ALKBH1: variants seen among roughly 807,000 people sequenced by gnomAD.
The protein encoded by ALKBH1 is nucleic acid dioxygenase ALKBH1.
Under a neutral mutation model 36.6 loss-of-function variants are expected in ALKBH1, and 31 were observed. The observed-to-expected ratio is 0.85, with a 90% CI of 0.64 to 1.14. ALKBH1 has a LOEUF of 1.14. ALKBH1 is among the 50% of genes most tolerant of loss of function. The probability of loss-of-function intolerance (pLI) is 0.00; values close to 1 mark genes in which losing one functional copy is unlikely to be tolerated. For missense variants in ALKBH1, 490 were observed against 497.3 expected (o/e 0.99, Z 0.14); for synonymous variants, 183 against 186.6 (o/e 0.98, Z 0.16).
chr14:77,707,756 C>T, intron 1 of ALKBH1, 66 bp downstream of exon 1: 1 of 1,515,654 alleles, frequency 6.6e-7, no homozygotes, highest in Non-Finnish European at 8.9e-7. Context: ...GCGAAGAAGA[C>T]ACGTAAGTCC....
At chr14:77,693,275 C>CA (rs145716315) in intron 3 of ALKBH1, among the ~76,000 whole-genome samples, 23,334 of 151,510 alleles carry the variant, frequency 0.15, 1,911 homozygotes, top group East Asian at 0.25. Flanking sequence ...CTGGTAACTC[C>CA]AGGCCTCAAG....
At chr14:77,701,966 G>A (rs2080361679) in intron 2 of ALKBH1, among the ~76,000 whole-genome samples, 1 of 152,124 alleles carries the variant, frequency 6.6e-6, no homozygotes, top group African/African-American at 2.4e-5. Flanking sequence ...TCTGTTAAGG[G>A]GAGAAAGCCT....
At chr14:77,706,393 C>T (rs573804832) in intron 1 of ALKBH1, among the ~76,000 whole-genome samples, 1 of 152,240 alleles carries the variant, frequency 6.6e-6, no homozygotes, top group South Asian at 2.1e-4. Flanking sequence ...TGTTAGTGGA[C>T]CTATTCTATC....
At chr14:77,704,293 C>T in intron 2 of ALKBH1, 76 bp downstream of exon 2, 1 of 1,082,766 alleles carries the variant, frequency 9.2e-7, no homozygotes, top group Non-Finnish European at 1.4e-6. Context: ...CTTGCTCACA[C>T]ACAGTACCTT....
chr14:77,680,742 C>T (rs557974700), intron 3 of ALKBH1, among the ~76,000 whole-genome samples: 69 of 146,634 alleles, frequency 4.7e-4, no homozygotes, highest in South Asian at 2.1e-3. Context: ...TGCAATGGCG[C>T]GATCTTGGCT....
chr14:77,700,604 AC>A (rs2080354074), intron 2 of ALKBH1, among the ~76,000 whole-genome samples: 1 of 152,102 alleles, frequency 6.6e-6, no homozygotes, highest in South Asian at 2.1e-4. Context: ...AAGATAGGAA[AC>A]CCCCCAACAA....
At chr14:77,684,348 C>T (rs2080255910) in intron 3 of ALKBH1, among the ~76,000 whole-genome samples, 1 of 150,910 alleles carries the variant, frequency 6.6e-6, no homozygotes, top group Non-Finnish European at 1.5e-5. Flanking sequence ...AGCTCAATAA[C>T]AGATTGCTTT....
intron 3 of ALKBH1, among the ~76,000 whole-genome samples, chr14:77,691,244 TAAGTTC>T (rs1275632275): frequency 6.6e-6 from 1 of 152,230 alleles, no homozygotes. Context: ...TGTTTTTGCT[TAAGTTC>T]AAGTATTTCT....
At chr14:77,681,675 A>G (rs1215111847) in intron 3 of ALKBH1, among the ~76,000 whole-genome samples, 2 of 152,198 alleles carry the variant, frequency 1.3e-5, no homozygotes, top group Non-Finnish European at 2.9e-5. Context: ...GGCAAGGTTC[A>G]CACAATTCTC....
chr14:77,706,260 T>C (rs972224252), intron 1 of ALKBH1, among the ~76,000 whole-genome samples: 2 of 152,088 alleles, frequency 1.3e-5, no homozygotes, highest in Non-Finnish European at 2.9e-5. Flanking sequence ...CCTCTGACAG[T>C]ACTATCAGCT....
chr14:77,706,029 TG>T (rs1245391165), intron 1 of ALKBH1, among the ~76,000 whole-genome samples: 1 of 152,084 alleles, frequency 6.6e-6, no homozygotes, highest in Non-Finnish European at 1.5e-5. Flanking sequence ...CACTTCAGCC[TG>T]GGTGACACAG....
At position 77,679,872 on chromosome 14, in the gene ALKBH1, C is replaced by A. The variant is rs372121207; in HGVS notation, c.546+8G>T. ...CAGAAAACAAAAGAATTAAGAAAAC[C>A]TGAATACCTTACTGTCCCAGTTATA... is the stretch of plus-strand genomic sequence containing the variant. On this transcript the variant is annotated splice_region_variant and intron_variant, in intron 4 of 5. Transcript: ENST00000216489. 11 of 1,611,452 alleles carry A rather than the reference C, an allele frequency of 6.8e-6. No homozygotes were observed. The highest frequency in any genetic ancestry group is 9.3e-6 in the Non-Finnish European group (11 of 1,177,798).
chr14:77,702,279 C>T (rs774590266), intron 2 of ALKBH1, among the ~76,000 whole-genome samples: 1 of 151,914 alleles, frequency 6.6e-6, no homozygotes, highest in Non-Finnish European at 1.5e-5. Context: ...CCAGCCTAGG[C>T]GACAGAGCAA....
At chr14:77,701,747 TA>T (rs145062969) in intron 2 of ALKBH1, among the ~76,000 whole-genome samples, 1 of 152,226 alleles carries the variant, frequency 6.6e-6, no homozygotes, top group East Asian at 1.9e-4. Context: ...ATACAGCTTA[TA>T]GGGGAAAGTA....
At chr14:77,681,618 G>A (rs1342069202) in intron 3 of ALKBH1, among the ~76,000 whole-genome samples, 1 of 152,186 alleles carries the variant, frequency 6.6e-6, no homozygotes, top group Non-Finnish European at 1.5e-5. Flanking sequence ...GTGTGCAGAA[G>A]AGACATAGCA....
chr14:77,686,594 C>A (rs977172669), intron 3 of ALKBH1, among the ~76,000 whole-genome samples: 1 of 152,096 alleles, frequency 6.6e-6, no homozygotes, highest in African/African-American at 2.4e-5. Context: ...TGGGTAAGCG[C>A]CTTATGTAAG....
At chr14:77,705,478 G>T (rs1301982761) in intron 1 of ALKBH1, among the ~76,000 whole-genome samples, 1 of 151,508 alleles carries the variant, frequency 6.6e-6, no homozygotes, top group East Asian at 1.9e-4. Flanking sequence ...AAATGTTGCA[G>T]TGAGACACTG....
chr14:77,697,198 A>G (rs992689274), intron 2 of ALKBH1: 6 of 162,642 alleles, frequency 3.7e-5, no homozygotes, highest in African/African-American at 1.4e-4. Flanking sequence ...TACACCTACT[A>G]TAGCAGCATT....
chr14:77,706,468 A>C (rs1304414950), intron 1 of ALKBH1, among the ~76,000 whole-genome samples: 2 of 152,174 alleles, frequency 1.3e-5, no homozygotes, highest in Non-Finnish European at 2.9e-5. Context: ...CCCTTGCCAG[A>C]CTGTTAACCA....
Sources: allele counts gnomAD v4.1 joint callset (sites outside exome capture counted in the v4.1 genomes callset), GRCh38; gene constraint gnomAD v4.1.1; transcripts MANE v1.5; gene names NCBI Gene and HGNC (gene_info 2026-07-23, HGNC 2026-07-21).